The following PTPRE variants were observed in gnomAD, a reference collection of about 807,000 sequenced individuals.
PTPRE encodes the protein receptor-type tyrosine-protein phosphatase epsilon.
A neutral mutation model predicts 102.0 loss-of-function variants in PTPRE; 51 were observed. That is an observed-to-expected ratio of 0.50 (90% confidence interval 0.40 to 0.63). The LOEUF (loss-of-function observed/expected upper bound fraction) is 0.63. Ranked by LOEUF, PTPRE falls within the 30% of genes least tolerant of loss-of-function variation. The pLI is 0.00. For synonymous variants in PTPRE, 345 were observed against 348.2 expected (o/e 0.99, Z 0.10); for missense variants, 752 against 915.1 (o/e 0.82, Z 2.30).
At chr10:127,993,556 C>T (rs897198377) in intron 2 of PTPRE, among the ~76,000 whole-genome samples, 1 of 151,930 alleles carries the variant, frequency 6.6e-6, no homozygotes, top group South Asian at 2.1e-4. Flanking sequence ...CAGGAACCTG[C>T]GTTGCTGATG....
At chr10:128,082,474 C>G (rs1457818025) in intron 20 of PTPRE, among the ~76,000 whole-genome samples, 2 of 151,448 alleles carry the variant, frequency 1.3e-5, no homozygotes, top group Non-Finnish European at 2.9e-5. Context: ...CTCAGCCTCT[C>G]AAAGTGCTCT....
At chr10:128,068,048 G>C (rs1418634881) in intron 11 of PTPRE, 75 bp from the exon 12 acceptor site, 3 of 1,512,740 alleles carry the variant, frequency 2.0e-6, no homozygotes, top group Non-Finnish European at 2.7e-6. Flanking sequence ...CCACGGCGGC[G>C]TCCTCAGAAT....
chr10:127,991,615 A>C (rs1281623057), intron 2 of PTPRE, among the ~76,000 whole-genome samples: 1 of 152,200 alleles, frequency 6.6e-6, no homozygotes, highest in African/African-American at 2.4e-5. Flanking sequence ...AAAGTTGTGC[A>C]ATTTTTTGAA....
chr10:127,969,476 T>C (rs1027249535), intron 1 of PTPRE, among the ~76,000 whole-genome samples: 1 of 152,150 alleles, frequency 6.6e-6, no homozygotes, highest in African/African-American at 2.4e-5. Flanking sequence ...CAGACTACCC[T>C]GGCCAATATG....
chr10:128,026,060 A>G (rs1312493125), intron 2 of PTPRE, among the ~76,000 whole-genome samples: 2 of 152,124 alleles, frequency 1.3e-5, no homozygotes, highest in Non-Finnish European at 2.9e-5. Flanking sequence ...AGAAACCCCA[A>G]AACAACCCAT....
At chr10:127,930,829 T>C (rs1234153895) in intron 1 of PTPRE, among the ~76,000 whole-genome samples, 1 of 151,582 alleles carries the variant, frequency 6.6e-6, no homozygotes, top group Non-Finnish European at 1.5e-5. Flanking sequence ...AGTCTCACTC[T>C]GTTGCCAGGC....
At chr10:127,985,084 T>A (rs1851969928) in intron 2 of PTPRE, among the ~76,000 whole-genome samples, 1 of 152,218 alleles carries the variant, frequency 6.6e-6, no homozygotes, top group African/African-American at 2.4e-5. Context: ...ATAGTCCACC[T>A]TGGGCAGGGC....
chr10:127,946,358 C>A (rs1848618771), intron 1 of PTPRE, among the ~76,000 whole-genome samples: 1 of 152,174 alleles, frequency 6.6e-6, no homozygotes, highest in South Asian at 2.1e-4. Flanking sequence ...GAACTCTCAG[C>A]CCTCATTTTG....
intron 1 of PTPRE, among the ~76,000 whole-genome samples, chr10:127,931,237 C>T (rs1393545947): frequency 6.6e-6 from 1 of 152,044 alleles, no homozygotes; most frequent in African/African-American, 2.4e-5. Flanking sequence ...TTGTTTATCT[C>T]CTTTAATAGT....
intron 1 of PTPRE, among the ~76,000 whole-genome samples, chr10:127,939,298 A>G (rs981631061): frequency 6.6e-6 from 1 of 152,180 alleles, no homozygotes; most frequent in African/African-American, 2.4e-5. Flanking sequence ...GTTTTTCATC[A>G]TGCTTTACTT....
rs1850853210 is a variant in PTPRE, at chr10:128,072,427, C to CAGA, written c.1464+214_1464+216dup. On this transcript the variant is annotated intron_variant, in intron 16 of 20. Coordinates refer to ENST00000254667, the MANE Select transcript of PTPRE (RefSeq NM_006504.6). Reference sequence around the variant, plus strand: ...CAACACTTTGGGAAGCTAAGGCGGGCAGATCACTTGGGGTCAGGAGTTTGA... The same window carrying CAGA: ...CAACACTTTGGGAAGCTAAGGCGGGCAGAAGATCACTTGGGGTCAGGAGTTTGA... 6 of 462,794 alleles carry CAGA rather than the reference C, an allele frequency of 1.3e-5. No homozygotes were observed. The South Asian group carries it at 2.0e-4, about 16-fold the overall frequency. 28.7% of individuals were successfully genotyped at this position (462,794 alleles called of 1,614,324 possible). A position where few individuals can be genotyped will look rare whatever the true frequency, so the allele number is the denominator to read the frequency against.
chr10:128,042,360 G>A (rs1027293087), intron 3 of PTPRE, among the ~76,000 whole-genome samples: 1 of 152,142 alleles, frequency 6.6e-6, no homozygotes, highest in African/African-American at 2.4e-5. Flanking sequence ...CCACATCTGA[G>A]GCTTTTCAGT....
intron 2 of PTPRE, among the ~76,000 whole-genome samples, chr10:128,002,501 G>A (rs941480407): frequency 7.9e-5 from 12 of 151,948 alleles, no homozygotes; most frequent in African/African-American, 2.9e-4. Context: ...CAGTGCGTAG[G>A]TAGGCAGGAA....
In PTPRE at chr10:128,070,336, G is replaced by C. The variant is rs778247975; in HGVS notation, c.1179G>C (p.Glu393Asp). The C allele has an allele frequency of 8.7e-6, 14 of 1,614,028 alleles. No individual in the cohort carries two copies. The highest frequency in any genetic ancestry group is 1.1e-5 in the Non-Finnish European group (13 of 1,179,988). ...CGTTCATCTACCAAGCCTTACTCGA[G>C]TACTACCTCTACGGGGACACAGAGC... Reference protein sequence around the residue: ...QYTFIYQALLEYYLYGDTELD... With the variant: ...QYTFIYQALLDYYLYGDTELD... Residue 393 changes from glutamate (E) to aspartate (D), a missense_variant, in exon 14 of 21, where the codon GAG becomes GAC. This residue lies in a region of PTPRE where 636 missense variants were observed against 824.4 expected (regional missense o/e 0.77). Coordinates refer to ENST00000254667, the MANE Select transcript of PTPRE (RefSeq NM_006504.6). This position sits in a 1 kb window ranked among gnomAD's most constrained non-coding sequence, Gnocchi z 4.8.
intron 9 of PTPRE, among the ~76,000 whole-genome samples, chr10:128,062,638 T>C (rs1849706635): frequency 6.6e-6 from 1 of 152,210 alleles, no homozygotes; most frequent in Non-Finnish European, 1.5e-5. Context: ...TGTCTGTTGT[T>C]CACATCCCCC....
intron 2 of PTPRE, among the ~76,000 whole-genome samples, chr10:127,992,824 A>G (rs1162615213): frequency 2.6e-5 from 4 of 152,226 alleles, no homozygotes; most frequent in African/African-American, 9.6e-5. Context: ...AAACTCAAAT[A>G]TGTGGTCAGA....
chr10:127,978,150 T>C (rs1267632919), intron 1 of PTPRE, among the ~76,000 whole-genome samples: 1 of 152,132 alleles, frequency 6.6e-6, no homozygotes, highest in East Asian at 1.9e-4. Flanking sequence ...GCAGAATGCC[T>C]TTCCTACACC....
At chr10:127,973,427 CT>C (rs1265471336) in intron 1 of PTPRE, among the ~76,000 whole-genome samples, 2 of 152,272 alleles carry the variant, frequency 1.3e-5, no homozygotes, top group African/African-American at 2.4e-5. Context: ...AAGCTAGCCT[CT>C]TTTTTGTGCA....
At position 128,040,894 on chromosome 10, in the gene PTPRE, T is replaced by G. The variant is rs1293341924; in HGVS notation, c.13T>G (p.Cys5Gly). ...CTGCAGGTCCACCATGGAGCCCTTGTGTCCACTCCTGCTGGTGGGTTTTAG... is the reference window on the plus strand; with the variant it reads ...CTGCAGGTCCACCATGGAGCCCTTGGGTCCACTCCTGCTGGTGGGTTTTAG... MEPL[C>G]PLLLVGFSLP... is the part of the protein sequence containing the mutation. The change falls in exon 3 of 21, where the codon TGT (cysteine) becomes GGT (glycine). Residue 5 changes from cysteine to glycine, a missense_variant. Physicochemically the swap from Cys to Gly is radical, Grantham distance 159. Around this residue, in one of 2 missense-constraint regions of PTPRE, gnomAD observed 116 missense variants for 90.8 expected, o/e 1.28. Coordinates refer to ENST00000254667, the MANE Select transcript of PTPRE (RefSeq NM_006504.6). The G allele has an allele frequency of 6.2e-7, 1 of 1,614,020 alleles. No individual in the cohort carries two copies.
Sources: gnomAD v4.1 joint callset for allele counts (sites outside exome capture counted in the v4.1 genomes callset) on GRCh38, gnomAD v4.1.1 for gene constraint, gnomAD v4.1.1 regional missense constraint, Gnocchi (gnomAD v3.1) non-coding constraint, MANE v1.5 for transcripts, NCBI Gene and HGNC (gene_info 2026-07-23, HGNC 2026-07-21) for gene names.